TSHZ2: variants seen among roughly 807,000 people sequenced by gnomAD.
TSHZ2 encodes the protein teashirt homolog 2.
TSHZ2 carries 21 observed loss-of-function variants against 74.4 expected under a neutral mutation model. The observed-to-expected ratio is 0.28, with a 90% CI of 0.20 to 0.41. The LOEUF (loss-of-function observed/expected upper bound fraction) is 0.41. TSHZ2 is among the 10% of genes least tolerant of loss of function. TSHZ2 has a pLI of 1.00. For missense variants in TSHZ2, 1,244 were observed against 1,293.5 expected (o/e 0.96, Z 0.59); for synonymous variants, 540 against 515.3 (o/e 1.05, Z -0.65).
chr20:53,359,020 C>A (rs557158601), intron 2 of TSHZ2, among the ~76,000 whole-genome samples: 19 of 152,098 alleles, frequency 1.2e-4, no homozygotes, highest in Non-Finnish European at 1.9e-4. Context: ...TTCAAGATGG[C>A]CTGCTTTTTC....
At chr20:53,119,497 C>T (rs1001816815) in intron 1 of TSHZ2, among the ~76,000 whole-genome samples, 3 of 152,250 alleles carry the variant, frequency 2.0e-5, no homozygotes, top group Middle Eastern at 3.4e-3. Flanking sequence ...GAGAGTCCAG[C>T]GCTATGCTGC....
intron 1 of TSHZ2, among the ~76,000 whole-genome samples, chr20:53,142,317 G>T (rs545442741): frequency 5.3e-5 from 8 of 152,308 alleles, no homozygotes; most frequent in Admixed American, 2.6e-4. Flanking sequence ...CAGCTCCACA[G>T]GGCTTCCGGT....
intron 1 of TSHZ2, among the ~76,000 whole-genome samples, chr20:53,087,164 G>A (rs1985724375): frequency 6.6e-6 from 1 of 152,220 alleles, no homozygotes; most frequent in Non-Finnish European, 1.5e-5. Context: ...AGCCTGTCAT[G>A]AATGGAGAGA....
chr20:53,075,422 T>G (rs186955018), intron 1 of TSHZ2, among the ~76,000 whole-genome samples: 1 of 152,300 alleles, frequency 6.6e-6, no homozygotes, highest in East Asian at 1.9e-4. Context: ...GTGACTCTAC[T>G]GGAATGGTAG....
intron 1 of TSHZ2, among the ~76,000 whole-genome samples, chr20:53,218,438 A>G (rs1336361527): frequency 6.6e-6 from 1 of 152,268 alleles, no homozygotes; most frequent in Admixed American, 6.5e-5. Flanking sequence ...TAATCGTAAT[A>G]ATAATGTACA....
chr20:53,366,855 C>T (rs775071277), intron 2 of TSHZ2, among the ~76,000 whole-genome samples: 7 of 152,272 alleles, frequency 4.6e-5, no homozygotes, highest in Non-Finnish European at 1.0e-4. Context: ...TGACTCTATG[C>T]GAGGCAATTT....
intron 1 of TSHZ2, chr20:53,185,255 C>T: frequency 9.9e-7 from 1 of 1,009,366 alleles, no homozygotes; most frequent in Non-Finnish European, 1.2e-6. Flanking sequence ...AGAAGTGATG[C>T]ATAAAACCTC....
chr20:53,239,546 T>C (rs1990017977), intron 1 of TSHZ2, among the ~76,000 whole-genome samples: 1 of 152,112 alleles, frequency 6.6e-6, no homozygotes, highest in African/African-American at 2.4e-5. Flanking sequence ...GAATCACAGT[T>C]TGATTTGTCC....
Position 53,081,783 on chromosome 20 carries a change from C to T in TSHZ2, c.40+108450C>T, listed in dbSNP as rs539315582. Among the ~76,000 whole-genome samples the T allele has an allele frequency of 5.3e-5, 8 of 152,260 alleles. No homozygotes were observed. In the East Asian group the frequency reaches 9.6e-4, roughly 18 times the overall value. On this transcript the variant is annotated intron_variant, in intron 1 of 2. Coordinates refer to ENST00000371497, the MANE Select transcript of TSHZ2 (RefSeq NM_173485.6). ...TTTGTTCTCCCAAACCCATTTTCCC[C>T]GTAAGCTCTGTGGGTTTTATTGTGA...
At chr20:53,056,150 G>C (rs575059423) in intron 1 of TSHZ2, among the ~76,000 whole-genome samples, 9 of 152,240 alleles carry the variant, frequency 5.9e-5, no homozygotes, top group African/African-American at 2.2e-4. Context: ...AATATATTTT[G>C]GTTGCGTGAA....
chr20:53,031,929 GGA>G (rs1983653544), intron 1 of TSHZ2, among the ~76,000 whole-genome samples: 1 of 151,914 alleles, frequency 6.6e-6, no homozygotes, highest in Non-Finnish European at 1.5e-5. Context: ...GAGGGAGGGA[GGA>G]GAGAGGAAAG....
chr20:53,401,541 T>C (rs201814), intron 2 of TSHZ2, among the ~76,000 whole-genome samples: 135,023 of 150,454 alleles, frequency 0.9, 60,791 homozygotes, highest in African/African-American at 0.95. Flanking sequence ...TACCCCTCAC[T>C]CCTTCCAACC....
In TSHZ2 at chr20:53,229,942, GAGGA is replaced by G. The variant is rs1989782543; in HGVS notation, c.41-23550_41-23547del. Among the ~76,000 whole-genome samples the G allele has an allele frequency of 2.0e-5, 3 of 150,656 alleles. No homozygotes were observed. In the South Asian group the frequency reaches 6.3e-4, roughly 32 times the overall value. ...AAGAAGAAGGAAGAGAAAGAAAAGAGAGGAAGGAAGAAAGAGAAAGAAGAAGGAA... is the reference window on the plus strand; with the variant it reads ...AAGAAGAAGGAAGAGAAAGAAAAGAGAGGAAGAAAGAGAAAGAAGAAGGAA... On this transcript the variant is annotated intron_variant, in intron 1 of 2. Coordinates refer to ENST00000371497, the MANE Select transcript of TSHZ2 (RefSeq NM_173485.6).
intron 1 of TSHZ2, among the ~76,000 whole-genome samples, chr20:53,022,088 T>C (rs1983266074): frequency 6.6e-6 from 1 of 152,164 alleles, no homozygotes; most frequent in East Asian, 1.9e-4. Flanking sequence ...TAAGAAGTGC[T>C]ACTCTAAGTG....
chr20:53,347,865 A>G (rs912088370), intron 2 of TSHZ2, among the ~76,000 whole-genome samples: 8 of 152,222 alleles, frequency 5.3e-5, no homozygotes, highest in African/African-American at 1.2e-4. Flanking sequence ...AAAGTATGCA[A>G]TTCAGTGGCT....
At chr20:53,180,427 G>C (rs1568798080) in intron 1 of TSHZ2, among the ~76,000 whole-genome samples, 1 of 152,158 alleles carries the variant, frequency 6.6e-6, no homozygotes, top group African/African-American at 2.4e-5. Context: ...AAATGGCTTG[G>C]TCACTCAGCC....
At chr20:53,234,832 T>C (rs1989903827) in intron 1 of TSHZ2, among the ~76,000 whole-genome samples, 1 of 152,096 alleles carries the variant, frequency 6.6e-6, no homozygotes, top group African/African-American at 2.4e-5. Flanking sequence ...CTGAGGGCCA[T>C]GGTGAGAACA....
intron 2 of TSHZ2, among the ~76,000 whole-genome samples, chr20:53,277,316 A>G (rs985679852): frequency 2.0e-5 from 3 of 152,198 alleles, no homozygotes; most frequent in Non-Finnish European, 4.4e-5. Context: ...TTTATTTATA[A>G]TTCACTGCAA....
chr20:53,433,185 G>A (rs1242652152), intron 2 of TSHZ2, among the ~76,000 whole-genome samples: 1 of 152,140 alleles, frequency 6.6e-6, no homozygotes, highest in Non-Finnish European at 1.5e-5. Context: ...ATATTTAACT[G>A]GGCACACTGT....
Sources: allele counts gnomAD v4.1 joint callset (sites outside exome capture counted in the v4.1 genomes callset), GRCh38; gene constraint gnomAD v4.1.1; transcripts MANE v1.5; gene names NCBI Gene and HGNC (gene_info 2026-07-23, HGNC 2026-07-21).